The following CARF variants were observed in gnomAD, a reference collection of about 807,000 sequenced individuals.
The protein encoded by CARF is calcium responsive transcription factor, also known as calcium-responsive transcription factor.
In CARF, 57 loss-of-function variants were observed where a neutral mutation model predicts 82.0. The ratio of observed to expected loss-of-function variants is 0.70; its 90% CI spans 0.56 to 0.87. The LOEUF (loss-of-function observed/expected upper bound fraction) is 0.87, where lower values mean the gene tolerates loss of function less well. Ranked by LOEUF, CARF falls within the 40% of genes least tolerant of loss-of-function variation. CARF has a pLI of 0.00. For synonymous variants in CARF, 268 were observed against 290.1 expected, an observed-to-expected ratio of 0.92 and a Z score of 0.77; for missense variants, 771 against 855.8, an observed-to-expected ratio of 0.90 and a Z score of 1.24.
chr2:202,985,954 C>T lies in CARF; in HGVS notation c.*2330C>T, dbSNP rs2060415646. On this transcript the variant is annotated 3_prime_UTR_variant, in exon 17 of 17. Coordinates refer to ENST00000438828, the MANE Select transcript of CARF (RefSeq NM_024744.17). Reference sequence around the variant, plus strand: ...AGTTAGAAAAATAATATTTTTCTCACTTGATTCTGTGTGAATGTCTCTTCT... The same window carrying T: ...AGTTAGAAAAATAATATTTTTCTCATTTGATTCTGTGTGAATGTCTCTTCT... 1 of 152,072 alleles carries T rather than the reference C, an allele frequency of 6.6e-6. No individual in the cohort carries two copies. The highest frequency in any genetic ancestry group is 2.1e-4 in the South Asian group (1 of 4,824). The allele number at this position is 152,072 out of a possible 1,614,324, so 9.4% of individuals were successfully genotyped here.
At chr2:202,938,488 C>T (rs1321677737) in intron 3 of CARF, 1 of 150,818 alleles carries the variant, frequency 6.6e-6, no homozygotes, top group African/African-American at 2.4e-5. Flanking sequence ...TCAGGATGGT[C>T]TTGAACTCCT....
intron 3 of CARF, among the ~76,000 whole-genome samples, chr2:202,930,046 G>T (rs570219782): frequency 8.6e-5 from 13 of 151,920 alleles, no homozygotes; most frequent in Non-Finnish European, 1.5e-4. Flanking sequence ...TGTGTGGGGG[G>T]TTTTGTTTTG....
At chr2:202,966,934 G>A in intron 9 of CARF, 44 bp from the exon 10 acceptor site, 2 of 1,599,824 alleles carry the variant, frequency 1.3e-6, no homozygotes, top group Non-Finnish European at 1.7e-6. Context: ...GTCTAGAATA[G>A]ATGGACACTT....
rs764332348 is a variant in CARF at position 202,982,349 on chromosome 2, A to T, written c.1967A>T (p.Asp656Val). 1.5e-5 allele frequency: 24 copies of T among 1,614,178 alleles called. No individual in the cohort carries two copies. In the South Asian group the frequency reaches 2.6e-4, roughly 18 times the overall value. Residue 656 changes from aspartate (D) to valine (V), a missense_variant, in exon 16 of 17, where the codon GAT becomes GTT. Physicochemically the swap from Asp to Val is radical, Grantham distance 152. Coordinates refer to ENST00000438828, the MANE Select transcript of CARF (RefSeq NM_024744.17). The part of the protein sequence containing the change: ...DELVEVGDVE[D>V]TGNLEGTVHR... ...CTGGTAGAAGTTGGAGATGTTGAGG[A>T]TACAGGGAATCTGGAAGGAACTGTT...
In CARF at chr2:202,945,714, G is replaced by T. The variant is rs562732055; in HGVS notation, c.306+2747G>T. Among the ~76,000 whole-genome samples, 139 of 152,306 alleles carry T rather than the reference G, an allele frequency of 9.1e-4. 3 individuals are homozygous for T. In the South Asian group the frequency reaches 0.028, roughly 30 times the overall value. On this transcript the variant is annotated intron_variant, in intron 5 of 16. Coordinates refer to ENST00000438828, the MANE Select transcript of CARF (RefSeq NM_024744.17). ...CATTTTCTTTATCTAATCTGTCAATGATGGGCATTTAGGTTGATCCATTTA... is the reference window on the plus strand; with the variant it reads ...CATTTTCTTTATCTAATCTGTCAATTATGGGCATTTAGGTTGATCCATTTA...
Position 202,982,111 on chromosome 2 carries a change from T to TC in CARF, c.1730dup (p.Pro578ThrfsTer8), listed in dbSNP as rs1292643075. The TC allele has an allele frequency of 6.2e-7, 1 of 1,614,168 alleles. No homozygotes were observed. The highest frequency in any genetic ancestry group is 1.1e-5 in the South Asian group (1 of 91,078). On this transcript the variant is annotated frameshift_variant, in exon 16 of 17. Coordinates refer to ENST00000438828, the MANE Select transcript of CARF (RefSeq NM_024744.17). LOFTEE classifies it high-confidence loss of function. ...ACCAAGGTACACCTCTCCTGATGAA[T>TC]CACCAGCTGTGGTATCAGTAAATAA...
chr2:202,939,160 C>T (rs944984898), intron 3 of CARF, among the ~76,000 whole-genome samples: 4 of 152,074 alleles, frequency 2.6e-5, no homozygotes, highest in East Asian at 3.9e-4. Flanking sequence ...AGTAAGGCTT[C>T]GTTTATCTGT....
At chr2:202,956,761 C>G (rs1168097677) in intron 8 of CARF, among the ~76,000 whole-genome samples, 2 of 151,986 alleles carry the variant, frequency 1.3e-5, no homozygotes, top group East Asian at 3.9e-4. Context: ...TTCTTGCTTT[C>G]CCACATTTAG....
In CARF at chr2:202,982,436, C is replaced by T. The variant is rs1178592169; in HGVS notation, c.2054C>T (p.Ala685Val). 6.2e-7 allele frequency: 1 copy of T among 1,613,728 alleles called. No individual in the cohort carries two copies. The highest frequency in any genetic ancestry group is 8.5e-7 in the Non-Finnish European group (1 of 1,179,906). The change falls in exon 16 of 17, where the codon GCT becomes GTT. Residue 685 changes from alanine to valine, a missense_variant. By Grantham distance (64) the Ala-to-Val change is moderately conservative. Coordinates refer to ENST00000438828, the MANE Select transcript of CARF (RefSeq NM_024744.17). ...IPIQIIDNHS[A>V]LIEENPESTI... The stretch of plus-strand genomic sequence containing the variant: ...ATACAGATTATAGACAACCACTCAG[C>T]TCTTAGTAAGTTGAAATCAATTTAT...
At chr2:202,957,582 A>G (rs2059111968) in intron 8 of CARF, among the ~76,000 whole-genome samples, 1 of 152,172 alleles carries the variant, frequency 6.6e-6, no homozygotes, top group Non-Finnish European at 1.5e-5. Context: ...TGTCTTTTCT[A>G]TAAATTATCT....
At chr2:202,926,179 A>T (rs1691780216) in intron 3 of CARF, among the ~76,000 whole-genome samples, 1 of 152,192 alleles carries the variant, frequency 6.6e-6, no homozygotes, top group Non-Finnish European at 1.5e-5. Flanking sequence ...GCAGGGAAGC[A>T]TAGGGAACAG....
At chr2:202,976,482 T>C (rs969545434) in intron 13 of CARF, among the ~76,000 whole-genome samples, 6 of 152,084 alleles carry the variant, frequency 3.9e-5, no homozygotes, top group Non-Finnish European at 8.8e-5. Flanking sequence ...CCTTAACTCA[T>C]AGTTTGATAT....
At position 202,966,917 on chromosome 2, in the gene CARF, A is replaced by T. The variant is rs181555889; in HGVS notation, c.833-61A>T. 13,209 of 1,509,900 alleles carry T rather than the reference A, an allele frequency of 8.7e-3. 76 individuals carry two copies. The highest frequency in any genetic ancestry group is 0.027 in the Middle Eastern group (154 of 5,688). The allele number at this position is 1,509,900 out of a possible 1,614,324, so 93.5% of individuals were successfully genotyped here. On this transcript the variant is annotated intron_variant, in intron 9 of 16. Coordinates refer to ENST00000438828, the MANE Select transcript of CARF (RefSeq NM_024744.17). ...CATTGCCACCACCAAGTTACTTTTA[A>T]TCTAGTGTCTAGAATAGATGGACAC...
Position 202,983,672 on chromosome 2 carries a change from T to G in CARF, c.*48T>G. On this transcript the variant is annotated 3_prime_UTR_variant, in exon 17 of 17. Transcript: ENST00000438828. ...TACAACTCTGGTGACTTCTGATGTC[T>G]TAGAAAGGAAGGTGAATATAGTCAA... The G allele has an allele frequency of 4.2e-6, 5 of 1,178,514 alleles. No homozygotes were observed. The highest frequency in any genetic ancestry group is 6.3e-6 in the Non-Finnish European group (5 of 796,830). 73.0% of individuals were successfully genotyped at this position (1,178,514 alleles called of 1,614,324 possible).
chr2:202,928,527 T>C (rs1285027774), intron 3 of CARF, among the ~76,000 whole-genome samples: 1 of 152,170 alleles, frequency 6.6e-6, no homozygotes, highest in South Asian at 2.1e-4. Context: ...AGTCTATTTT[T>C]AGTTTTTTGA....
chr2:202,948,754 T>C (rs2058619360), intron 5 of CARF, among the ~76,000 whole-genome samples: 1 of 152,150 alleles, frequency 6.6e-6, no homozygotes, highest in Non-Finnish European at 1.5e-5. Context: ...GGACGGAGAA[T>C]ATGGGGTTTT....
At chr2:202,970,147 C>G in intron 11 of CARF, 85 bp downstream of exon 11, 1 of 1,238,712 alleles carries the variant, frequency 8.1e-7, no homozygotes, top group African/African-American at 1.6e-5. Flanking sequence ...TTATAGTTTT[C>G]CAACTATTTC....
chr2:202,942,508 T>C, intron 4 of CARF: 2 of 789,736 alleles, frequency 2.5e-6, no homozygotes, highest in Non-Finnish European at 3.1e-6. Flanking sequence ...GGTTGAATTA[T>C]GTTATTTCAG....
intron 1 of CARF, among the ~76,000 whole-genome samples, chr2:202,917,017 C>T (rs573501692): frequency 2.4e-4 from 36 of 151,846 alleles, no homozygotes; most frequent in African/African-American, 8.0e-4. Flanking sequence ...GAGACCATCC[C>T]GGCTAACACG....
Sources: gnomAD v4.1 joint callset for allele counts (sites outside exome capture counted in the v4.1 genomes callset) on GRCh38, gnomAD v4.1.1 for gene constraint, MANE v1.5 for transcripts, NCBI Gene and HGNC (gene_info 2026-07-23, HGNC 2026-07-21) for gene names.